The following IL1RAPL1 variants were observed in gnomAD, a reference collection of about 807,000 sequenced individuals.
IL1RAPL1 encodes interleukin 1 receptor accessory protein like 1, also known as interleukin-1 receptor accessory protein-like 1.
IL1RAPL1 carries 3 observed loss-of-function variants against 48.4 expected under a neutral mutation model. The ratio of observed to expected loss-of-function variants is 0.06; its 90% confidence interval spans 0.03 to 0.16. The LOEUF is 0.16. Among genes scored for constraint, IL1RAPL1 ranks in the 10% least tolerant of loss-of-function variants. The pLI, the probability that IL1RAPL1 is intolerant of heterozygous loss-of-function variation, is 1.00. For synonymous variants in IL1RAPL1, 185 were observed against 187.7 expected (o/e 0.99, Z 0.12); for missense variants, 349 against 530.6 (o/e 0.66, Z 3.36).
At chrX:29,301,837 G>A (rs1240300401) in intron 3 of IL1RAPL1, among the ~76,000 whole-genome samples, 3 of 111,074 alleles carry the variant, frequency 2.7e-5, no homozygotes, top group Non-Finnish European at 5.7e-5. Flanking sequence ...CTCAGGGATG[G>A]ATACACAGAA....
chrX:29,723,208 T>A (rs1185278259), intron 6 of IL1RAPL1, among the ~76,000 whole-genome samples: 3 of 112,154 alleles, frequency 2.7e-5, no homozygotes, highest in Non-Finnish European at 5.6e-5. Flanking sequence ...TGATAATGAG[T>A]TATTCCTGAG....
chrX:29,061,481 G>A (rs756913365), intron 2 of IL1RAPL1, among the ~76,000 whole-genome samples: 25 of 111,879 alleles, frequency 2.2e-4, no homozygotes, highest in Non-Finnish European at 1.9e-4. Context: ...GATGGGGGAC[G>A]GAGTTTTGCT....
rs781141714 is a variant in IL1RAPL1 at position 29,894,147 on chromosome X, AGGGC to A, written c.779-23316_779-23313del. On this transcript the variant is annotated intron_variant, in intron 6 of 10. Transcript: ENST00000378993. ...ATAGTTAATATAATACTTCGCAGTA[AGGGC>A]ATTTTGAAAGAACAGTGGCTTAAAA... Among the ~76,000 whole-genome samples the A allele has an allele frequency of 8.8e-4, 99 of 112,520 alleles. 1 individual carries two copies. The highest frequency in any genetic ancestry group is 3.1e-3 in the African/African-American group (97 of 31,038).
At position 28,894,702 on chromosome X, in the gene IL1RAPL1, G is replaced by A. The variant is rs1272490880; in HGVS notation, c.82+105277G>A. Among the ~76,000 whole-genome samples the A allele has an allele frequency of 5.4e-5, 6 of 110,417 alleles. No homozygotes were observed. In the South Asian group the frequency reaches 1.2e-3, roughly 22 times the overall value. ...TAAAAGTATTAAAGCAGTGGCAGCCGCTGCACGCAGACATGAGGGCTAGGC... is the reference window on the plus strand; with the variant it reads ...TAAAAGTATTAAAGCAGTGGCAGCCACTGCACGCAGACATGAGGGCTAGGC... On this transcript the variant is annotated intron_variant, in intron 2 of 10. Coordinates refer to ENST00000378993, the MANE Select transcript of IL1RAPL1 (RefSeq NM_014271.4).
intron 5 of IL1RAPL1, among the ~76,000 whole-genome samples, chrX:29,650,766 A>G (rs1237481979): frequency 9.0e-6 from 1 of 111,243 alleles, no homozygotes; most frequent in Admixed American, 9.6e-5. Context: ...GAGCAAAAAA[A>G]ATAGACAAAT....
intron 1 of IL1RAPL1, among the ~76,000 whole-genome samples, chrX:28,750,758 T>C (rs781352828): frequency 8.9e-6 from 1 of 112,219 alleles, no homozygotes; most frequent in South Asian, 3.7e-4. Flanking sequence ...TCAAATAACT[T>C]TACATCCTAA....
intron 6 of IL1RAPL1, among the ~76,000 whole-genome samples, chrX:29,904,311 G>A (rs976144455): frequency 1.8e-5 from 2 of 111,533 alleles, no homozygotes; most frequent in African/African-American, 6.5e-5. Flanking sequence ...TTGATAACAA[G>A]CTAAATAGCT....
intron 1 of IL1RAPL1, among the ~76,000 whole-genome samples, chrX:28,778,411 C>G (rs1936381568): frequency 9.0e-6 from 1 of 111,538 alleles, no homozygotes; most frequent in South Asian, 3.8e-4. Context: ...TTGCAGCCTG[C>G]AAGAGCGATG....
chrX:28,870,772 A>G (rs1473227213), intron 2 of IL1RAPL1, among the ~76,000 whole-genome samples: 2 of 111,282 alleles, frequency 1.8e-5, no homozygotes, highest in African/African-American at 3.3e-5. Flanking sequence ...TAACCCCTCT[A>G]TTAACTAAAT....
intron 3 of IL1RAPL1, among the ~76,000 whole-genome samples, chrX:29,383,362 T>C (rs1933735336): frequency 8.9e-6 from 1 of 112,186 alleles, no homozygotes; most frequent in Non-Finnish European, 1.9e-5. Context: ...AAATATTCTC[T>C]TCTTATATTC....
In IL1RAPL1 at chrX:28,941,374, T is replaced by C. The variant is rs572592350; in HGVS notation, c.82+151949T>C. Among the ~76,000 whole-genome samples, 649 of 111,065 alleles carry C rather than the reference T, an allele frequency of 5.8e-3. 2 individuals are homozygous for C. Among genetic ancestry groups the C allele is most frequent in the Middle Eastern group, 0.032 (7 of 216 alleles). On this transcript the variant is annotated intron_variant, in intron 2 of 10. Transcript: ENST00000378993. ...TTACTTAAGAGTTGGATGAAATGGGTAAATAAAAAGAAATTTATGAGGCAG... is the reference window on the plus strand; with the variant it reads ...TTACTTAAGAGTTGGATGAAATGGGCAAATAAAAAGAAATTTATGAGGCAG...
intron 2 of IL1RAPL1, among the ~76,000 whole-genome samples, chrX:28,979,151 C>T (rs947260779): frequency 5.4e-5 from 6 of 111,581 alleles, no homozygotes; most frequent in Non-Finnish European, 1.1e-4. Context: ...TTTCAACAGA[C>T]ATTTAAAGTA....
At chrX:29,918,144 A>AAAAAAAAAATATATATAT (rs1555935868) in intron 7 of IL1RAPL1, among the ~76,000 whole-genome samples, 8 of 23,757 alleles carry the variant, frequency 3.4e-4, no homozygotes, top group African/African-American at 4.8e-4. Context: ...AAAAAAAAAA[A>AAAAAAAAAATATATATAT]ATATATATAT....
intron 6 of IL1RAPL1, among the ~76,000 whole-genome samples, chrX:29,896,012 A>G (rs922489145): frequency 2.7e-5 from 3 of 112,026 alleles, no homozygotes; most frequent in African/African-American, 9.7e-5. Context: ...GTTGTAAAAA[A>G]AGCCAGCAGA....
intron 6 of IL1RAPL1, among the ~76,000 whole-genome samples, chrX:29,760,812 A>G (rs1042546113): frequency 5.3e-5 from 6 of 112,173 alleles, no homozygotes; most frequent in Non-Finnish European, 7.5e-5. Context: ...CCAAGGTGTT[A>G]TGATGATACT....
intron 2 of IL1RAPL1, among the ~76,000 whole-genome samples, chrX:29,275,676 T>A (rs1405989868): frequency 1.8e-5 from 2 of 112,340 alleles, no homozygotes; most frequent in Non-Finnish European, 3.8e-5. Flanking sequence ...AGTAATGTTA[T>A]CTTTGCTCTC....
intron 5 of IL1RAPL1, among the ~76,000 whole-genome samples, chrX:29,573,850 G>A (rs1024491617): frequency 1.8e-5 from 2 of 111,654 alleles, no homozygotes; most frequent in African/African-American, 6.5e-5. Context: ...ACTATTTTAT[G>A]ATAAAAATGT....
rs151056791 is a variant in IL1RAPL1 at position 29,339,005 on chromosome X, A to G, written c.362+55788A>G. ...CATATGCCCAGCACTAAGATAAATA[A>G]TATGTTCGGCCCACCCGAGCCGCAG... On this transcript the variant is annotated intron_variant, in intron 3 of 10. Coordinates refer to ENST00000378993, the MANE Select transcript of IL1RAPL1 (RefSeq NM_014271.4). Among the ~76,000 whole-genome samples, 498 of 108,656 alleles carry G rather than the reference A, an allele frequency of 4.6e-3. 4 individuals carry two copies. The highest frequency in any genetic ancestry group is 0.016 in the African/African-American group (475 of 29,737). The allele number at this position is 108,656 out of a possible 115,157, so 94.4% of individuals were successfully genotyped here.
intron 5 of IL1RAPL1, among the ~76,000 whole-genome samples, chrX:29,668,099 G>C (rs1183561620): frequency 9.0e-6 from 1 of 111,702 alleles, no homozygotes. Flanking sequence ...AAAAATGCAG[G>C]ACATCCCATT....
Sources: gnomAD v4.1 joint callset for allele counts (sites outside exome capture counted in the v4.1 genomes callset) on GRCh38, gnomAD v4.1.1 for gene constraint, MANE v1.5 for transcripts, NCBI Gene and HGNC (gene_info 2026-07-23, HGNC 2026-07-21) for gene names.